The following RALGAPA2 variants were observed in gnomAD, a reference collection of about 807,000 sequenced individuals.
The protein encoded by RALGAPA2 is Ral GTPase activating protein catalytic subunit alpha 2, also known as ral GTPase-activating protein subunit alpha-2.
Under a neutral mutation model 230.4 loss-of-function variants are expected in RALGAPA2, and 139 were observed. The ratio of observed to expected loss-of-function variants is 0.60; its 90% CI spans 0.53 to 0.69. RALGAPA2 has a LOEUF of 0.69. Among genes scored for constraint, RALGAPA2 ranks in the 30% least tolerant of loss-of-function variants. RALGAPA2 has a pLI of 0.00. For synonymous variants in RALGAPA2, 847 were observed against 837.8 expected (o/e 1.01, Z -0.19); for missense variants, 2,163 against 2,276.0 (o/e 0.95, Z 1.01).
intron 37 of RALGAPA2, among the ~76,000 whole-genome samples, chr20:20,421,839 A>G (rs966464887): frequency 2.0e-5 from 3 of 152,236 alleles, no homozygotes; most frequent in Non-Finnish European, 4.4e-5. Flanking sequence ...ACAAATGTTC[A>G]TAGGAGCATT....
intron 14 of RALGAPA2, 116 bp downstream of exon 14, chr20:20,611,199 A>C: frequency 7.5e-7 from 1 of 1,331,792 alleles, no homozygotes; most frequent in Admixed American, 2.9e-5. Context: ...TAAGAAGAAA[A>C]ATTTCTAGAA....
At chr20:20,487,726 C>G (rs949161151) in intron 36 of RALGAPA2, among the ~76,000 whole-genome samples, 4 of 151,848 alleles carry the variant, frequency 2.6e-5, no homozygotes, top group Non-Finnish European at 5.9e-5. Context: ...CTGGGCCACA[C>G]AGTGAAATCC....
intron 13 of RALGAPA2, among the ~76,000 whole-genome samples, chr20:20,615,413 C>T (rs1045066669): frequency 6.6e-6 from 1 of 151,982 alleles, no homozygotes; most frequent in Non-Finnish European, 1.5e-5. Context: ...CCACCCACCT[C>T]GGCCTCCCAA....
intron 37 of RALGAPA2, among the ~76,000 whole-genome samples, chr20:20,424,110 T>G (rs1264972347): frequency 1.3e-5 from 2 of 152,192 alleles, no homozygotes; most frequent in East Asian, 3.9e-4. Flanking sequence ...GCTCCACACA[T>G]GCAACGGATT....
intron 23 of RALGAPA2, among the ~76,000 whole-genome samples, chr20:20,564,642 G>C (rs6035649): frequency 0.059 from 8,955 of 152,286 alleles, 411 homozygotes; most frequent in African/African-American, 0.13. Flanking sequence ...TGCTTAATGG[G>C]AAAGGGTCTG....
chr20:20,473,947 T>A (rs1045375664), intron 36 of RALGAPA2, among the ~76,000 whole-genome samples: 1 of 152,084 alleles, frequency 6.6e-6, no homozygotes, highest in Non-Finnish European at 1.5e-5. Flanking sequence ...GAAACAACAG[T>A]GAATAGTACA....
At chr20:20,512,457 G>T in intron 32 of RALGAPA2, 56 bp downstream of exon 32, 1 of 1,435,842 alleles carries the variant, frequency 7.0e-7, no homozygotes, top group Non-Finnish European at 9.3e-7. Context: ...CTGATAAAAA[G>T]AACAAGTACA....
chr20:20,665,290 T>C lies in RALGAPA2; in HGVS notation c.270+10946A>G, dbSNP rs547925247. On this transcript the variant is annotated intron_variant, in intron 3 of 39. Coordinates refer to ENST00000202677, the MANE Select transcript of RALGAPA2 (RefSeq NM_020343.4). ...ATTCTTGGAAGCATTTTTGCTAGTA[T>C]TGCCTTCCACAGGATCTCCTCTTAA... Among the ~76,000 whole-genome samples the C allele has an allele frequency of 4.7e-4, 71 of 152,336 alleles. 1 individual carries two copies. Among genetic ancestry groups the C allele is most frequent in the African/African-American group, 1.7e-3 (70 of 41,582 alleles).
chr20:20,695,401 T>C (rs748581078), intron 1 of RALGAPA2, among the ~76,000 whole-genome samples: 10 of 152,212 alleles, frequency 6.6e-5, no homozygotes, highest in Non-Finnish European at 2.9e-5. Context: ...TGAGTAGGCA[T>C]GAGCAAATGT....
At chr20:20,703,471 C>T (rs1232776682) in intron 1 of RALGAPA2, among the ~76,000 whole-genome samples, 1 of 152,162 alleles carries the variant, frequency 6.6e-6, no homozygotes, top group Non-Finnish European at 1.5e-5. Context: ...ATTGACACAT[C>T]CAGGAGGCTT....
At chr20:20,699,398 TCAAGC>T (rs1203227677) in intron 1 of RALGAPA2, among the ~76,000 whole-genome samples, 1 of 152,284 alleles carries the variant, frequency 6.6e-6, no homozygotes, top group Non-Finnish European at 1.5e-5. Flanking sequence ...CTATACCACG[TCAAGC>T]CTAACTGGCC....
chr20:20,612,662 C>G (rs530529021), intron 13 of RALGAPA2, among the ~76,000 whole-genome samples: 10 of 152,204 alleles, frequency 6.6e-5, no homozygotes, highest in African/African-American at 2.4e-4. Context: ...TATTCCCTGC[C>G]TACGGATTCT....
intron 31 of RALGAPA2, among the ~76,000 whole-genome samples, chr20:20,514,253 T>C (rs1027963031): frequency 2.0e-5 from 3 of 152,122 alleles, no homozygotes; most frequent in Non-Finnish European, 2.9e-5. Context: ...AACAGGGCCC[T>C]TTCCGCTCCG....
chr20:20,509,652 C>T (rs2062643205), intron 33 of RALGAPA2, among the ~76,000 whole-genome samples: 1 of 151,852 alleles, frequency 6.6e-6, no homozygotes, highest in African/African-American at 2.4e-5. Flanking sequence ...ATAAGAGGCG[C>T]TCAGTGACCT....
At position 20,653,574 on chromosome 20, in the gene RALGAPA2, A is replaced by G; in HGVS notation, c.284T>C (p.Phe95Ser). Residue 95 changes from phenylalanine to serine, a missense_variant, in exon 4 of 40, where the codon TTT (phenylalanine) becomes TCT (serine). Physicochemically the swap from Phe to Ser is radical, Grantham distance 155. Coordinates refer to ENST00000202677, the MANE Select transcript of RALGAPA2 (RefSeq NM_020343.4). ...TCGAAAGAAAATTCGTTCAGGTAGA[A>G]ACTGCAGTATTTTCTATTAAAAAAA... ...ILFLFEKILQ[F>S]LPERIFFRWH... is the part of the protein sequence containing the mutation. The G allele has an allele frequency of 6.7e-7, 1 of 1,493,328 alleles. No homozygotes were observed. The highest frequency in any genetic ancestry group is 9.1e-7 in the Non-Finnish European group (1 of 1,098,284). The allele number at this position is 1,493,328 out of a possible 1,614,324, so 92.5% of individuals were successfully genotyped here.
intron 13 of RALGAPA2, among the ~76,000 whole-genome samples, chr20:20,614,508 C>T (rs1028480360): frequency 4.6e-5 from 7 of 152,110 alleles, no homozygotes; most frequent in African/African-American, 1.2e-4. Flanking sequence ...ATATTACTGA[C>T]GTGGAATTTG....
intron 20 of RALGAPA2, among the ~76,000 whole-genome samples, chr20:20,575,494 G>T (rs1243712881): frequency 6.6e-6 from 1 of 151,504 alleles, no homozygotes; most frequent in Non-Finnish European, 1.5e-5. Flanking sequence ...TTTCAAGACA[G>T]CATCTCTGCA....
chr20:20,682,276 A>G (rs2068547353), intron 1 of RALGAPA2, among the ~76,000 whole-genome samples: 1 of 152,260 alleles, frequency 6.6e-6, no homozygotes, highest in Non-Finnish European at 1.5e-5. Context: ...GAAAGCAGGT[A>G]GCAATGAAAC....
At chr20:20,526,157 C>A in intron 28 of RALGAPA2, 95 bp downstream of exon 28, 1 of 977,566 alleles carries the variant, frequency 1.0e-6, no homozygotes, top group Non-Finnish European at 1.5e-6. Flanking sequence ...ATAGTTGGTT[C>A]TCTAACAATT....
Sources: gnomAD v4.1 joint callset for allele counts (sites outside exome capture counted in the v4.1 genomes callset) on GRCh38, gnomAD v4.1.1 for gene constraint, MANE v1.5 for transcripts, NCBI Gene and HGNC (gene_info 2026-07-23, HGNC 2026-07-21) for gene names.